The following CPN1 variants were observed in gnomAD, a reference collection of about 807,000 sequenced individuals.
CPN1 encodes the protein carboxypeptidase N catalytic chain.
A neutral mutation model predicts 46.4 loss-of-function variants in CPN1; 37 were observed. That is an observed-to-expected ratio of 0.80 (90% CI 0.61 to 1.05). The LOEUF (loss-of-function observed/expected upper bound fraction) is 1.05. Ranked by LOEUF, CPN1 falls within the 50% of genes least tolerant of loss-of-function variation. The probability of loss-of-function intolerance (pLI) is 0.00; values close to 1 mark genes in which losing one functional copy is unlikely to be tolerated. For synonymous variants in CPN1, 224 were observed against 235.4 expected (o/e 0.95, Z 0.44); for missense variants, 563 against 602.6 (o/e 0.93, Z 0.69).
chr10:100,072,743 A>G (rs1205505437), intron 2 of CPN1, among the ~76,000 whole-genome samples: 1 of 152,226 alleles, frequency 6.6e-6, no homozygotes, highest in Non-Finnish European at 1.5e-5. Flanking sequence ...GGGGAAAGAG[A>G]TAAGTGAGAC....
chr10:100,046,449 G>A (rs1484505803), intron 8 of CPN1, among the ~76,000 whole-genome samples: 1 of 152,100 alleles, frequency 6.6e-6, no homozygotes, highest in African/African-American at 2.4e-5. Context: ...TCCAGCCTGG[G>A]CTACACAGAG....
chr10:100,044,802 CT>C (rs1315155841), intron 8 of CPN1, among the ~76,000 whole-genome samples: 1 of 152,124 alleles, frequency 6.6e-6, no homozygotes, highest in Non-Finnish European at 1.5e-5. Flanking sequence ...CCTCCGCCCC[CT>C]GGGTTCAAGC....
rs77739635 is a variant in CPN1 at position 100,071,927 on chromosome 10, A to G, written c.421-2058T>C. 7.3e-3 allele frequency among the ~76,000 whole-genome samples: 1,105 copies of G among 152,294 alleles called. 17 individuals carry two copies. Among genetic ancestry groups the G allele is most frequent in the African/African-American group, 0.025 (1,057 of 41,554 alleles). On this transcript the variant is annotated intron_variant, in intron 2 of 8. Coordinates refer to ENST00000370418, the MANE Select transcript of CPN1 (RefSeq NM_001308.3). The stretch of plus-strand genomic sequence containing the variant: ...AATCACCTACGGATACTGAAGGATG[A>G]CTATGTATTTCCAAATAAGATCATA...
intron 7 of CPN1, 120 bp downstream of exon 7, chr10:100,054,227 A>C (rs1589472245): frequency 1.3e-6 from 1 of 776,384 alleles, no homozygotes; most frequent in East Asian, 2.5e-5. Flanking sequence ...CATCCCCCCC[A>C]CTCCCAGCAT....
chr10:100,077,298 C>A (rs1344001620), intron 1 of CPN1, among the ~76,000 whole-genome samples: 1 of 148,056 alleles, frequency 6.8e-6, no homozygotes, highest in Non-Finnish European at 1.5e-5. Context: ...TGGCAAAATC[C>A]CAGTTCACTG....
At chr10:100,049,907 G>C (rs2133427149) in intron 7 of CPN1, among the ~76,000 whole-genome samples, 1 of 152,302 alleles carries the variant, frequency 6.6e-6, no homozygotes, top group East Asian at 1.9e-4. Context: ...AGGTTGAAAG[G>C]TCTGTGAATG....
intron 1 of CPN1, among the ~76,000 whole-genome samples, chr10:100,080,121 G>A (rs184501064): frequency 6.6e-6 from 1 of 151,672 alleles, no homozygotes; most frequent in Non-Finnish European, 1.5e-5. Flanking sequence ...AACCAGTTGG[G>A]AGTTCAGTGC....
At chr10:100,054,204 C>T (rs1051851418) in intron 7 of CPN1, 143 bp downstream of exon 7, 2 of 700,668 alleles carry the variant, frequency 2.9e-6, no homozygotes, top group South Asian at 1.5e-5. Flanking sequence ...ATTTTCATTG[C>T]CCTTCTTTCC....
Position 100,065,227 on chromosome 10 carries a change from G to A in CPN1, c.720C>T (p.Thr240=), listed in dbSNP as rs761214831. 8 of 1,613,972 alleles carry A rather than the reference G, an allele frequency of 5.0e-6. No individual in the cohort carries two copies. The highest frequency in any genetic ancestry group is 2.2e-5 in the South Asian group (2 of 91,074). Residue 240 remains threonine, a synonymous_variant, in exon 4 of 9, where the codon ACC becomes ACT. Transcript: ENST00000370418. Reference sequence around the variant, plus strand: ...TGTCGTCAGGCGTGGGGGTGCTGGCGGTGCGGCGGACCCCTCGGACCCGGT... The same window carrying A: ...TGTCGTCAGGCGTGGGGGTGCTGGCAGTGCGGCGGACCCCTCGGACCCGGT... ...FEHRVRGVRR[T]ASTPTPDDKL...
At chr10:100,070,592 A>T (rs896588461) in intron 2 of CPN1, among the ~76,000 whole-genome samples, 4 of 152,124 alleles carry the variant, frequency 2.6e-5, no homozygotes, top group African/African-American at 9.7e-5. Context: ...AGCTTAATCA[A>T]ATGATGTAGC....
chr10:100,060,209 G>A (rs1017857037), intron 5 of CPN1, among the ~76,000 whole-genome samples: 4 of 152,098 alleles, frequency 2.6e-5, no homozygotes, highest in Admixed American at 1.3e-4. Context: ...TTAATAATAC[G>A]GAATCATATG....
At position 100,076,100 on chromosome 10, in the gene CPN1, T is replaced by C. The variant is rs1564776917; in HGVS notation, c.231A>G (p.Pro77=). ...DHPGIHEPLE[P]EVKYVGNMHG... ...GCATGTTCCCCACATACTTGACCTC[T>C]GGTTCCACTGCAAGGAAGAGAAAAG... is the stretch of plus-strand genomic sequence containing the variant. The change falls in exon 2 of 9, where the codon CCA becomes CCG. Residue 77 remains proline (P), a synonymous_variant. Coordinates refer to ENST00000370418, the MANE Select transcript of CPN1 (RefSeq NM_001308.3). The C allele has an allele frequency of 1.9e-6, 3 of 1,614,218 alleles. No individual in the cohort carries two copies. Among genetic ancestry groups the C allele is most frequent in the Non-Finnish European group, 1.7e-6 (2 of 1,180,044 alleles).
intron 1 of CPN1, among the ~76,000 whole-genome samples, chr10:100,076,699 A>G (rs1299253019): frequency 6.6e-6 from 1 of 152,258 alleles, no homozygotes; most frequent in Non-Finnish European, 1.5e-5. Context: ...AGAGGTGACC[A>G]GCTCCGCAGC....
chr10:100,067,016 T>C (rs569526182), intron 3 of CPN1, among the ~76,000 whole-genome samples: 2 of 152,378 alleles, frequency 1.3e-5, no homozygotes, highest in African/African-American at 4.8e-5. Flanking sequence ...GGGAGCCTAG[T>C]TATCATTGAT....
At chr10:100,074,939 A>C (rs74865210) in intron 2 of CPN1, among the ~76,000 whole-genome samples, 1,743 of 152,268 alleles carry the variant, frequency 0.011, 37 homozygotes, top group African/African-American at 0.04. Context: ...GATGTTACTA[A>C]TAATAATAAG....
intron 6 of CPN1, among the ~76,000 whole-genome samples, chr10:100,055,103 T>C (rs2041377878): frequency 6.6e-6 from 1 of 151,138 alleles, no homozygotes; most frequent in Non-Finnish European, 1.5e-5. Flanking sequence ...CCAGGTGTGG[T>C]GGTGGGCGCC....
chr10:100,075,127 T>C (rs1426204017), intron 2 of CPN1, among the ~76,000 whole-genome samples: 1 of 151,962 alleles, frequency 6.6e-6, no homozygotes, highest in Non-Finnish European at 1.5e-5. Context: ...CCGTCTCTAC[T>C]AAAACTACAA....
At chr10:100,056,018 G>C (rs1468784694) in intron 6 of CPN1, among the ~76,000 whole-genome samples, 1 of 152,192 alleles carries the variant, frequency 6.6e-6, no homozygotes, top group Non-Finnish European at 1.5e-5. Context: ...ATACCCAAAA[G>C]TGGCATTGCT....
intron 2 of CPN1, among the ~76,000 whole-genome samples, chr10:100,071,627 G>T (rs923093722): frequency 6.6e-6 from 1 of 152,176 alleles, no homozygotes; most frequent in Non-Finnish European, 1.5e-5. Context: ...CACATGTGTG[G>T]ATTCAACCAA....
Sources: allele counts gnomAD v4.1 joint callset (sites outside exome capture counted in the v4.1 genomes callset), GRCh38; gene constraint gnomAD v4.1.1; transcripts MANE v1.5; gene names NCBI Gene and HGNC (gene_info 2026-07-23, HGNC 2026-07-21).